The following CEP112 variants were observed in gnomAD, a reference collection of about 807,000 sequenced individuals.
The protein encoded by CEP112 is centrosomal protein of 112 kDa.
CEP112 carries 127 observed loss-of-function variants against 153.0 expected under a neutral mutation model. That is an observed-to-expected ratio of 0.83 (90% confidence interval 0.72 to 0.96). The LOEUF (loss-of-function observed/expected upper bound fraction) is 0.96, where lower values mean the gene tolerates loss of function less well. CEP112 is among the 40% of genes least tolerant of loss of function. CEP112 has a pLI of 0.00. For synonymous variants in CEP112, 358 were observed against 374.4 expected (o/e 0.96, Z 0.51); for missense variants, 1,089 against 1,101.2 (o/e 0.99, Z 0.16).
intron 20 of CEP112, among the ~76,000 whole-genome samples, chr17:65,852,250 C>T (rs923706767): frequency 6.8e-5 from 1 of 14,774 alleles, no homozygotes; most frequent in African/African-American, 2.0e-4. Context: ...TCCTTCCTTC[C>T]GTTCCCTTTC....
intron 4 of CEP112, among the ~76,000 whole-genome samples, chr17:66,155,284 A>AG (rs1177957979): frequency 6.6e-6 from 1 of 152,104 alleles, no homozygotes; most frequent in African/African-American, 2.4e-5. Flanking sequence ...AGGAAGTACA[A>AG]GGGGTCAGGG....
At chr17:65,959,924 G>C (rs2062138967) in intron 18 of CEP112, among the ~76,000 whole-genome samples, 1 of 152,314 alleles carries the variant, frequency 6.6e-6, no homozygotes, top group African/African-American at 2.4e-5. Flanking sequence ...TGGGTGGAAT[G>C]AGCCCAGTGG....
At chr17:66,102,566 G>A (rs1393185242) in intron 6 of CEP112, among the ~76,000 whole-genome samples, 1 of 151,880 alleles carries the variant, frequency 6.6e-6, no homozygotes, top group South Asian at 2.1e-4. Context: ...GGGAGGCCGA[G>A]GTGGGCAGAT....
intron 22 of CEP112, among the ~76,000 whole-genome samples, chr17:65,749,565 G>T (rs1451168447): frequency 6.6e-6 from 1 of 152,020 alleles, no homozygotes; most frequent in Non-Finnish European, 1.5e-5. Context: ...GGGCCAGGCT[G>T]GTAGTGTTAA....
chr17:65,983,897 T>G (rs1239685529), intron 17 of CEP112, among the ~76,000 whole-genome samples: 2 of 152,216 alleles, frequency 1.3e-5, no homozygotes, highest in Non-Finnish European at 2.9e-5. Flanking sequence ...TTTATTAAAT[T>G]GGTTTTGTTA....
chr17:65,966,876 A>G (rs1810339135), intron 17 of CEP112, among the ~76,000 whole-genome samples: 1 of 152,212 alleles, frequency 6.6e-6, no homozygotes, highest in Non-Finnish European at 1.5e-5. Context: ...TATTGGTCTT[A>G]ATATTGAATA....
chr17:65,921,612 G>A (rs953007381), intron 19 of CEP112, among the ~76,000 whole-genome samples: 1 of 151,974 alleles, frequency 6.6e-6, no homozygotes, highest in Non-Finnish European at 1.5e-5. Context: ...ATAAAAACAG[G>A]TGAAATCTGC....
chr17:65,873,542 C>T (rs1385623328), intron 20 of CEP112: 1 of 152,058 alleles, frequency 6.6e-6, no homozygotes, highest in African/African-American at 2.4e-5. Context: ...CTTTGCCACC[C>T]CCTGCAGTAC....
chr17:65,944,493 T>C (rs1025053807), intron 18 of CEP112, among the ~76,000 whole-genome samples: 1 of 152,242 alleles, frequency 6.6e-6, no homozygotes, highest in African/African-American at 2.4e-5. Context: ...AAATGGGTTA[T>C]TATTACAGTT....
chr17:66,028,396 T>C lies in CEP112; in HGVS notation c.1513A>G (p.Met505Val), dbSNP rs753401833. ...ACATTCTGCTCTAATTCTTCAATCA[T>C]ACTAGATGCCTACAAGGATTTTAAG... ...HALSASKASS[M>V]IEELEQNVCQ... Residue 505 changes from methionine to valine, a missense_variant, in exon 15 of 27, where the codon ATG (methionine) becomes GTG (valine). Met to Val is a conservative substitution (Grantham distance 21). Coordinates refer to ENST00000535342, the MANE Select transcript of CEP112 (RefSeq NM_001199165.4). 34 of 1,555,744 alleles carry C rather than the reference T, an allele frequency of 2.2e-5. No individual in the cohort carries two copies. The highest frequency in any genetic ancestry group is 2.8e-5 in the Non-Finnish European group (32 of 1,140,392).
intron 17 of CEP112, among the ~76,000 whole-genome samples, chr17:65,966,187 A>T (rs1265654684): frequency 6.6e-6 from 1 of 152,222 alleles, no homozygotes; most frequent in Non-Finnish European, 1.5e-5. Context: ...AATTTTCCTC[A>T]TCTGAGTATA....
intron 17 of CEP112, 73 bp from the exon 18 acceptor site, chr17:65,961,671 C>A: frequency 1.5e-6 from 2 of 1,329,756 alleles, no homozygotes; most frequent in Non-Finnish European, 2.0e-6. Context: ...CAATATTTAA[C>A]CCCCTCTAAA....
chr17:66,121,367 A>G (rs1188249505), intron 6 of CEP112, among the ~76,000 whole-genome samples: 1 of 152,014 alleles, frequency 6.6e-6, no homozygotes, highest in Non-Finnish European at 1.5e-5. Context: ...AAGTGCATTG[A>G]GCTTTTTGGA....
chr17:65,996,502 A>ATATC (rs2063797970), intron 17 of CEP112, among the ~76,000 whole-genome samples: 1 of 152,218 alleles, frequency 6.6e-6, no homozygotes, highest in Non-Finnish European at 1.5e-5. Context: ...AGGTACTCAG[A>ATATC]TGAGACTGGA....
intron 4 of CEP112, among the ~76,000 whole-genome samples, chr17:66,144,883 T>C (rs963627200): frequency 6.6e-6 from 1 of 152,190 alleles, no homozygotes; most frequent in Admixed American, 6.5e-5. Flanking sequence ...CTTTACCAAG[T>C]ATCTAGGAAT....
At chr17:65,755,292 A>C (rs1339298208) in intron 21 of CEP112, among the ~76,000 whole-genome samples, 1 of 151,950 alleles carries the variant, frequency 6.6e-6, no homozygotes, top group Admixed American at 6.6e-5. Context: ...AGAGCAGGAG[A>C]AAGAGAGGTG....
intron 14 of CEP112, 126 bp downstream of exon 14, chr17:66,028,997 T>C: frequency 9.3e-6 from 7 of 752,534 alleles, no homozygotes; most frequent in Non-Finnish European, 1.5e-5. Context: ...GAAGTTCCTG[T>C]TAATTTAAGA....
At chr17:65,692,079 C>T (rs534236824) in intron 23 of CEP112, among the ~76,000 whole-genome samples, 5 of 152,280 alleles carry the variant, frequency 3.3e-5, no homozygotes, top group South Asian at 2.1e-4. Context: ...CTATCATCCA[C>T]GGAGTGGATT....
intron 20 of CEP112, among the ~76,000 whole-genome samples, chr17:65,856,878 T>C (rs995998669): frequency 6.6e-6 from 1 of 152,256 alleles, no homozygotes; most frequent in African/African-American, 2.4e-5. Context: ...CACCCAATTT[T>C]AATTTAATTC....
Sources: gnomAD v4.1 joint callset for allele counts (sites outside exome capture counted in the v4.1 genomes callset) on GRCh38, gnomAD v4.1.1 for gene constraint, MANE v1.5 for transcripts, NCBI Gene and HGNC (gene_info 2026-07-23, HGNC 2026-07-21) for gene names.